The following COL23A1 variants were observed in gnomAD, a reference collection of about 807,000 sequenced individuals.
COL23A1 encodes collagen alpha-1(XXIII) chain.
COL23A1 carries 97 observed loss-of-function variants against 99.3 expected under a neutral mutation model. That is an observed-to-expected ratio of 0.98 (90% CI 0.83 to 1.16). COL23A1 has a LOEUF of 1.16. COL23A1 is among the 50% of genes most tolerant of loss of function. The pLI is 0.00. For synonymous variants in COL23A1, 320 were observed against 308.2 expected (o/e 1.04, Z -0.40); for missense variants, 762 against 757.4 (o/e 1.01, Z -0.07).
chr5:178,540,516 A>G (rs1761227019), intron 2 of COL23A1, among the ~76,000 whole-genome samples: 1 of 152,250 alleles, frequency 6.6e-6, no homozygotes, highest in Non-Finnish European at 1.5e-5. Flanking sequence ...ACAAAATTAA[A>G]GAAGACTCAA....
chr5:178,472,252 G>A (rs1044295942), intron 2 of COL23A1, among the ~76,000 whole-genome samples: 1 of 152,222 alleles, frequency 6.6e-6, no homozygotes, highest in Non-Finnish European at 1.5e-5. Context: ...ACATCCCTTT[G>A]CTGATCCATC....
chr5:178,487,753 C>T (rs1757713930), intron 2 of COL23A1, among the ~76,000 whole-genome samples: 1 of 152,200 alleles, frequency 6.6e-6, no homozygotes, highest in African/African-American at 2.4e-5. Flanking sequence ...TTTTCCCTAA[C>T]TCACTCATGA....
intron 4 of COL23A1, chr5:178,288,560 C>T: frequency 3.2e-6 from 2 of 628,640 alleles, no homozygotes; most frequent in South Asian, 3.8e-5. Context: ...GGACCAAGAG[C>T]CTCAGGGCTT....
At chr5:178,570,763 C>A (rs1041167984) in intron 1 of COL23A1, among the ~76,000 whole-genome samples, 2 of 152,030 alleles carry the variant, frequency 1.3e-5, no homozygotes, top group African/African-American at 4.8e-5. Flanking sequence ...GGAGGGGGGA[C>A]GCGGGTGGTG....
chr5:178,475,310 CAG>C lies in COL23A1; in HGVS notation c.361+85370_361+85371del, dbSNP rs1756970094. Among the ~76,000 whole-genome samples the C allele has an allele frequency of 3.3e-5, 5 of 152,162 alleles. 1 individual carries two copies. The South Asian group carries it at 6.2e-4, about 19-fold the overall frequency. On this transcript the variant is annotated intron_variant, in intron 2 of 28. Transcript: ENST00000390654. ...CAAAATTAAGTGGCCATATGGGAGA[CAG>C]AGAGTGATGGGTGCTGGCATGTCCA...
chr5:178,336,765 T>C (rs1014869927), intron 2 of COL23A1, among the ~76,000 whole-genome samples: 5 of 152,256 alleles, frequency 3.3e-5, no homozygotes, highest in African/African-American at 4.8e-5. Context: ...ATCCAGCTAA[T>C]AGTTCGTCTT....
intron 6 of COL23A1, among the ~76,000 whole-genome samples, chr5:178,269,615 C>A (rs1756159691): frequency 6.8e-6 from 1 of 147,678 alleles, no homozygotes; most frequent in South Asian, 2.2e-4. Context: ...TCCATCCATC[C>A]ATCCATCCAT....
rs541996758 is a variant in COL23A1, at chr5:178,325,882, CGTGCCTGCGCTT to C, written c.362-18975_362-18964del. ...GTGGCCTTTTTCCCTTTTTAACTGT[CGTGCCTGCGCTT>C]GTGCCTGCCCAGTCTGTCCACTGCG... is the stretch of plus-strand genomic sequence containing the variant. On this transcript the variant is annotated intron_variant, in intron 2 of 28. Coordinates refer to ENST00000390654, the MANE Select transcript of COL23A1 (RefSeq NM_173465.4). Among the ~76,000 whole-genome samples, 16 of 152,322 alleles carry C rather than the reference CGTGCCTGCGCTT, an allele frequency of 1.1e-4. No homozygotes were observed. The South Asian group carries it at 3.3e-3, about 32-fold the overall frequency.
chr5:178,576,547 T>A (rs1412537875), intron 1 of COL23A1, among the ~76,000 whole-genome samples: 3 of 152,148 alleles, frequency 2.0e-5, no homozygotes, highest in Non-Finnish European at 4.4e-5. Flanking sequence ...TCATTATTTT[T>A]CAAAGACACA....
chr5:178,525,083 T>TTTATCTAAAACACTCAGTGCA (rs1562053919), intron 2 of COL23A1, among the ~76,000 whole-genome samples: 1 of 140,286 alleles, frequency 7.1e-6, no homozygotes, highest in Non-Finnish European at 1.5e-5. Context: ...ACCCGAAGGC[T>TTTATCTAAAACACTCAGTGCA]AAGCTCACAT....
intron 2 of COL23A1, among the ~76,000 whole-genome samples, chr5:178,398,499 T>C (rs1047112790): frequency 6.6e-6 from 1 of 151,982 alleles, no homozygotes; most frequent in African/African-American, 2.4e-5. Flanking sequence ...TGGTGGCACG[T>C]GCCTATAGTC....
rs1051429726 is a variant in COL23A1, at chr5:178,428,134, T to C, written c.362-121215A>G. 3.3e-5 allele frequency among the ~76,000 whole-genome samples: 5 copies of C among 152,202 alleles called. No individual in the cohort carries two copies. The highest frequency in any genetic ancestry group is 7.3e-5 in the Non-Finnish European group (5 of 68,040). On this transcript the variant is annotated intron_variant, in intron 2 of 28. Transcript: ENST00000390654. The surrounding 1 kb of genome is among the most constrained non-coding windows in gnomAD (Gnocchi z 5.0). ...GGGTATCATCAAAAGCCCACATCTA[T>C]GCTCACTGGCTCAGATATCACAGGG...
intron 1 of COL23A1, among the ~76,000 whole-genome samples, chr5:178,585,750 G>GGATGGTGC (rs1554201772): frequency 6.6e-6 from 1 of 151,962 alleles, no homozygotes; most frequent in Non-Finnish European, 1.5e-5. Flanking sequence ...GGCTGACCCT[G>GGATGGTGC]TTGGTTGCTC....
chr5:178,356,629 G>T (rs1019449153), intron 2 of COL23A1, among the ~76,000 whole-genome samples: 1 of 152,184 alleles, frequency 6.6e-6, no homozygotes, highest in Non-Finnish European at 1.5e-5. Context: ...GGAAAAAAAA[G>T]GCAAAGGAAA....
At chr5:178,425,805 T>C (rs1765898444) in intron 2 of COL23A1, among the ~76,000 whole-genome samples, 2 of 152,242 alleles carry the variant, frequency 1.3e-5, no homozygotes, top group African/African-American at 4.8e-5. Context: ...CTTGGAAAGA[T>C]GCTTTGATAT....
chr5:178,331,561 C>T (rs1465940723), intron 2 of COL23A1, among the ~76,000 whole-genome samples: 8 of 152,320 alleles, frequency 5.3e-5, no homozygotes, highest in South Asian at 2.1e-4. Flanking sequence ...CCGCGGCCCT[C>T]GGGGCAGGGT....
chr5:178,532,521 T>A (rs1760704522), intron 2 of COL23A1, among the ~76,000 whole-genome samples: 1 of 151,346 alleles, frequency 6.6e-6, no homozygotes, highest in African/African-American at 2.4e-5. Flanking sequence ...TTCACTCGAG[T>A]CAAACAGAAA....
chr5:178,256,734 G>A, intron 14 of COL23A1, 132 bp downstream of exon 14: 1 of 848,000 alleles, frequency 1.2e-6, no homozygotes, highest in Non-Finnish European at 1.8e-6. Flanking sequence ...AGAGTGCTGA[G>A]GGAGACCCCT....
chr5:178,570,787 C>T (rs1010824044), intron 1 of COL23A1, among the ~76,000 whole-genome samples: 3 of 152,060 alleles, frequency 2.0e-5, no homozygotes, highest in African/African-American at 4.8e-5. Flanking sequence ...GGCAGCCTCC[C>T]GAATTGAAGA....
Sources: allele counts gnomAD v4.1 joint callset (sites outside exome capture counted in the v4.1 genomes callset), GRCh38; gene constraint gnomAD v4.1.1; non-coding constraint Gnocchi (gnomAD v3.1); transcripts MANE v1.5; gene names NCBI Gene and HGNC (gene_info 2026-07-23, HGNC 2026-07-21).